OTUD7A: variants seen among roughly 807,000 people sequenced by gnomAD.
OTUD7A encodes OTU deubiquitinase 7A.
A neutral mutation model predicts 65.7 loss-of-function variants in OTUD7A; 12 were observed. That is an observed-to-expected ratio of 0.18 (90% confidence interval 0.12 to 0.30). The LOEUF (loss-of-function observed/expected upper bound fraction) is 0.30, where lower values mean the gene tolerates loss of function less well. Ranked by LOEUF, OTUD7A falls within the 10% of genes least tolerant of loss-of-function variation. The pLI is 1.00. For missense variants in OTUD7A, 1,148 were observed against 1,304.8 expected (o/e 0.88, Z 1.85); for synonymous variants, 641 against 586.3 (o/e 1.09, Z -1.35).
chr15:31,587,508 G>A (rs2141192660), intron 3 of OTUD7A, among the ~76,000 whole-genome samples: 1 of 152,192 alleles, frequency 6.6e-6, no homozygotes, highest in Admixed American at 6.5e-5. Context: ...AGGTGTGGTG[G>A]CAGGCGTCTG....
intron 1 of OTUD7A, among the ~76,000 whole-genome samples, chr15:31,718,578 G>A (rs1033590384): frequency 9.2e-4 from 139 of 150,296 alleles, no homozygotes; most frequent in Admixed American, 4.7e-3. Flanking sequence ...ATCACTCTTT[G>A]GCCACTTGTT....
At chr15:31,658,942 G>A (rs1892072163) in intron 1 of OTUD7A, among the ~76,000 whole-genome samples, 1 of 151,508 alleles carries the variant, frequency 6.6e-6, no homozygotes, top group African/African-American at 2.4e-5. Context: ...TGAGGCAGGA[G>A]AATTGCTTGA....
intron 3 of OTUD7A, among the ~76,000 whole-genome samples, chr15:31,651,647 T>G (rs1891841422): frequency 6.6e-6 from 1 of 151,540 alleles, no homozygotes; most frequent in Admixed American, 6.6e-5. Flanking sequence ...TGAGTTTAGC[T>G]TTAGCAAGAT....
At chr15:31,727,361 G>A (rs1247650862) in intron 1 of OTUD7A, among the ~76,000 whole-genome samples, 1 of 152,150 alleles carries the variant, frequency 6.6e-6, no homozygotes, top group African/African-American at 2.4e-5. Context: ...GCCCAGGCAG[G>A]AATACCACAT....
At chr15:31,540,340 G>A (rs1309305408) in intron 5 of OTUD7A, among the ~76,000 whole-genome samples, 2 of 152,194 alleles carry the variant, frequency 1.3e-5, no homozygotes, top group Non-Finnish European at 2.9e-5. Flanking sequence ...AAGACCAACT[G>A]ATTCAAGTTG....
At chr15:31,729,252 A>T (rs982848247) in intron 1 of OTUD7A, among the ~76,000 whole-genome samples, 1 of 152,180 alleles carries the variant, frequency 6.6e-6, no homozygotes, top group South Asian at 2.1e-4. Flanking sequence ...GGGGGTGTTA[A>T]GGGGTTACTG....
chr15:31,505,500 G>C (rs768418050), intron 8 of OTUD7A, among the ~76,000 whole-genome samples: 1 of 152,008 alleles, frequency 6.6e-6, no homozygotes, highest in Non-Finnish European at 1.5e-5. Flanking sequence ...TAATTAGATG[G>C]GGAGGAAAGG....
At chr15:31,761,831 A>C (rs555828773) in intron 1 of OTUD7A, among the ~76,000 whole-genome samples, 116 of 152,368 alleles carry the variant, frequency 7.6e-4, no homozygotes, top group Non-Finnish European at 1.4e-3. Context: ...AGCAATGAAA[A>C]GGAAGGAAGT....
intron 1 of OTUD7A, among the ~76,000 whole-genome samples, chr15:31,752,271 T>G (rs752583554): frequency 6.6e-6 from 1 of 151,884 alleles, no homozygotes; most frequent in East Asian, 1.9e-4. Context: ...ACAAATACAG[T>G]ACAACTACAA....
chr15:31,773,230 T>C (rs1335632949), intron 1 of OTUD7A, among the ~76,000 whole-genome samples: 1 of 152,250 alleles, frequency 6.6e-6, no homozygotes, highest in Non-Finnish European at 1.5e-5. Flanking sequence ...GATATGTCCT[T>C]TGACAGAATT....
At chr15:31,799,687 G>T (rs1351304867) in intron 1 of OTUD7A, among the ~76,000 whole-genome samples, 1 of 152,168 alleles carries the variant, frequency 6.6e-6, no homozygotes, top group Non-Finnish European at 1.5e-5. Context: ...CTGACTGTGA[G>T]AAATAAATGC....
chr15:31,627,583 T>C (rs1891000606), intron 3 of OTUD7A, among the ~76,000 whole-genome samples: 1 of 152,174 alleles, frequency 6.6e-6, no homozygotes, highest in African/African-American at 2.4e-5. Flanking sequence ...CAGCATGATT[T>C]ATAATCCTTT....
At chr15:31,806,147 C>T (rs985551349) in intron 1 of OTUD7A, among the ~76,000 whole-genome samples, 2 of 152,088 alleles carry the variant, frequency 1.3e-5, no homozygotes, top group Admixed American at 6.5e-5. Context: ...TTATTCAGTC[C>T]AGAGAACTAA....
chr15:31,642,320 A>G (rs1368610258), intron 3 of OTUD7A, among the ~76,000 whole-genome samples: 1 of 152,192 alleles, frequency 6.6e-6, no homozygotes, highest in East Asian at 1.9e-4. Context: ...ATTTGCTAAA[A>G]TCTTTTTCAG....
intron 3 of OTUD7A, among the ~76,000 whole-genome samples, chr15:31,598,544 G>A (rs945821664): frequency 6.6e-6 from 1 of 152,212 alleles, no homozygotes; most frequent in African/African-American, 2.4e-5. Flanking sequence ...TATGTCACCA[G>A]GGCCCTGGGT....
In OTUD7A at chr15:31,627,197, G is replaced by A. The variant is rs796235896; in HGVS notation, c.151+27899C>T. 2.9e-3 allele frequency among the ~76,000 whole-genome samples: 435 copies of A among 151,316 alleles called. 5 individuals carry two copies. Among genetic ancestry groups the A allele is most frequent in the African/African-American group, 0.01 (421 of 41,234 alleles). On this transcript the variant is annotated intron_variant, in intron 3 of 12. Transcript: ENST00000307050. ...GCTGGTGTGCTGCACCCATTAACTC[G>A]TCATTTAGCATTAGGTATATCTCCT...
intron 5 of OTUD7A, among the ~76,000 whole-genome samples, chr15:31,531,433 G>A (rs1038061812): frequency 1.4e-5 from 2 of 143,604 alleles, no homozygotes; most frequent in Admixed American, 1.5e-4. Context: ...CTTGAGGAAC[G>A]ACATAATGGT....
chr15:31,771,754 GC>G (rs1895239407), intron 1 of OTUD7A, among the ~76,000 whole-genome samples: 1 of 152,114 alleles, frequency 6.6e-6, no homozygotes, highest in African/African-American at 2.4e-5. Flanking sequence ...TGGCTTCAAA[GC>G]CCCTGCACCA....
At chr15:31,672,622 C>A (rs1892509103) in intron 1 of OTUD7A, among the ~76,000 whole-genome samples, 1 of 152,234 alleles carries the variant, frequency 6.6e-6, no homozygotes, top group Non-Finnish European at 1.5e-5. Flanking sequence ...CACATAGACT[C>A]ACTTTGATCC....
Sources: allele counts gnomAD v4.1 joint callset (sites outside exome capture counted in the v4.1 genomes callset), GRCh38; gene constraint gnomAD v4.1.1; transcripts MANE v1.5; gene names NCBI Gene and HGNC (gene_info 2026-07-23, HGNC 2026-07-21).